CACNA1S: variants seen among roughly 807,000 people sequenced by gnomAD.
CACNA1S encodes voltage-dependent L-type calcium channel subunit alpha-1S.
Under a neutral mutation model 207.4 loss-of-function variants are expected in CACNA1S, and 126 were observed. That is an observed-to-expected ratio of 0.61 (90% CI 0.53 to 0.70). CACNA1S has a LOEUF of 0.70. Ranked by LOEUF, CACNA1S falls within the 30% of genes least tolerant of loss-of-function variation. CACNA1S has a pLI of 0.00. For missense variants in CACNA1S, 2,349 were observed against 2,422.8 expected (o/e 0.97, Z 0.64); for synonymous variants, 960 against 932.7 (o/e 1.03, Z -0.53).
intron 37 of CACNA1S, 123 bp downstream of exon 37, chr1:201,047,402 T>C (rs1479498984): frequency 1.1e-5 from 13 of 1,237,692 alleles, no homozygotes; most frequent in Non-Finnish European, 1.4e-5. Context: ...GCCCGTGGGA[T>C]CTACCTAAGG....
chr1:201,071,619 C>T (rs1407346309), intron 16 of CACNA1S, among the ~76,000 whole-genome samples: 1 of 152,128 alleles, frequency 6.6e-6, no homozygotes. Context: ...CCAGCCCACA[C>T]CCCCTCTACC....
chr1:201,059,522 A>G (rs1205909148), intron 26 of CACNA1S, among the ~76,000 whole-genome samples: 2 of 152,242 alleles, frequency 1.3e-5, no homozygotes, highest in Non-Finnish European at 2.9e-5. Context: ...CACAAAAGAG[A>G]TAACACAGAA....
At chr1:201,075,344 A>G in intron 13 of CACNA1S, 151 bp downstream of exon 13, 1 of 793,250 alleles carries the variant, frequency 1.3e-6, no homozygotes, top group Non-Finnish European at 2.1e-6. Context: ...TGCATTTGCT[A>G]TGTCCTACCC....
At chr1:201,087,207 G>A (rs1662063839) in intron 7 of CACNA1S, among the ~76,000 whole-genome samples, 1 of 152,188 alleles carries the variant, frequency 6.6e-6, no homozygotes, top group African/African-American at 2.4e-5. Flanking sequence ...TACTTTATAT[G>A]TATTAACTTA....
At chr1:201,107,311 A>G (rs1662929068) in intron 2 of CACNA1S, among the ~76,000 whole-genome samples, 1 of 152,246 alleles carries the variant, frequency 6.6e-6, no homozygotes, top group African/African-American at 2.4e-5. Flanking sequence ...GTCTCAGGTT[A>G]AACATCCCAT....
rs1661258219 is a variant in CACNA1S, at chr1:201,066,781, C to T, written c.2657+106G>A. 8 of 839,556 alleles carry T rather than the reference C, an allele frequency of 9.5e-6. No individual in the cohort carries two copies. The South Asian group carries it at 1.1e-4, about 12-fold the overall frequency. 52.0% of individuals were successfully genotyped at this position (839,556 alleles called of 1,614,324 possible). ...TCCATCGGAGGCCCCGAGAGACCCT[C>T]CTCTTGTGGCAGGGGCCCACCAACA... On this transcript the variant is annotated intron_variant, in intron 20 of 43. Coordinates refer to ENST00000362061, the MANE Select transcript of CACNA1S (RefSeq NM_000069.3). The surrounding 1 kb of genome is among the most constrained non-coding windows in gnomAD (Gnocchi z 4.3).
rs200487405 is a variant in CACNA1S at position 201,093,956 on chromosome 1, G to A, written c.324C>T (p.Tyr108=). Reference sequence around the variant, plus strand: ...AAGCGTCCTGGTGGAATAAGAAGCCGTAGGCAATGATCTTCATGGCGGCTT... The same window carrying A: ...AAGCGTCCTGGTGGAATAAGAAGCCATAGGCAATGATCTTCATGGCGGCTT... ...SIEAAMKIIA[Y]GFLFHQDAYL... The change falls in exon 3 of 44, where the codon TAC becomes TAT. Residue 108 remains tyrosine (Y), a synonymous_variant. Transcript: ENST00000362061. 313 of 1,614,182 alleles carry A rather than the reference G, an allele frequency of 1.9e-4. No individual in the cohort carries two copies. The highest frequency in any genetic ancestry group is 8.3e-4 in the Middle Eastern group (5 of 6,060).
intron 26 of CACNA1S, among the ~76,000 whole-genome samples, chr1:201,059,610 T>C (rs1660971354): frequency 6.6e-6 from 1 of 152,234 alleles, no homozygotes; most frequent in South Asian, 2.1e-4. Flanking sequence ...CTCATTTACA[T>C]ATCTGCTTTG....
In CACNA1S at chr1:201,049,100, C is replaced by A; in HGVS notation, c.4242-1G>T. On this transcript the variant is annotated splice_acceptor_variant, in intron 34 of 43. Transcript: ENST00000362061. LOFTEE classifies it high-confidence loss of function. ...CACGTCCAGGTGTTTGATTCTCCCC[C>A]TGCGGGAGGACACACAGACTTGTGT... is the stretch of plus-strand genomic sequence containing the variant. 2.5e-6 allele frequency: 4 copies of A among 1,607,278 alleles called. No individual in the cohort carries two copies. The highest frequency in any genetic ancestry group is 3.4e-6 in the Non-Finnish European group (4 of 1,176,186).
intron 7 of CACNA1S, among the ~76,000 whole-genome samples, chr1:201,086,312 A>G (rs1662038322): frequency 6.6e-6 from 1 of 152,264 alleles, no homozygotes; most frequent in African/African-American, 2.4e-5. Context: ...TCTTCAGAAT[A>G]ATGTGAAATG....
chr1:201,078,511 T>C (rs989811780), intron 10 of CACNA1S, among the ~76,000 whole-genome samples: 4 of 75,758 alleles, frequency 5.3e-5, no homozygotes, highest in Non-Finnish European at 9.3e-5. Context: ...ATTTTTAAAT[T>C]AGCTTCAAAA....
rs1187060651 is a variant in CACNA1S at position 201,069,605 on chromosome 1, G to A, written c.2361-4C>T. On this transcript the variant is annotated splice_polypyrimidine_tract_variant and splice_region_variant and intron_variant, in intron 17 of 43. Transcript: ENST00000362061. ...GCGGTGACACAGGACACGGATCCTG[G>A]TGGGGCGAGGTAGGGAGGGCAGGGG... The A allele has an allele frequency of 3.2e-6, 5 of 1,552,604 alleles. No homozygotes were observed. The highest frequency in any genetic ancestry group is 1.4e-5 in the African/African-American group (1 of 73,396).
At position 201,076,915 on chromosome 1, in the gene CACNA1S, C is replaced by G. The variant is rs758002358; in HGVS notation, c.1827+5G>C. 8 of 1,613,534 alleles carry G rather than the reference C, an allele frequency of 5.0e-6. No homozygotes were observed. Among genetic ancestry groups the G allele is most frequent in the Non-Finnish European group, 6.8e-6 (8 of 1,179,566 alleles). ...GAAGGAGGGACACGCAGAGGGAGAG[C>G]CTACCTGGAAGACGCTGATGAGGGC... is the stretch of plus-strand genomic sequence containing the variant. On this transcript the variant is annotated splice_donor_5th_base_variant and intron_variant, in intron 12 of 43. Coordinates refer to ENST00000362061, the MANE Select transcript of CACNA1S (RefSeq NM_000069.3).
chr1:201,069,111 A>AG, intron 19 of CACNA1S, 26 bp downstream of exon 19: 1 of 1,607,854 alleles, frequency 6.2e-7, no homozygotes, highest in South Asian at 1.1e-5. Context: ...CTCCCTCCCC[A>AG]GGGCTGCCCC....
At position 201,047,566 on chromosome 1, in the gene CACNA1S, G is replaced by A. The variant is rs928580339; in HGVS notation, c.4502C>T (p.Thr1501Ile). The change falls in exon 37 of 44, where the codon ACC becomes ATC. Residue 1501 changes from threonine (T) to isoleucine (I), a missense_variant. Physicochemically the swap from Thr to Ile is moderately conservative, Grantham distance 89. Coordinates refer to ENST00000362061, the MANE Select transcript of CACNA1S (RefSeq NM_000069.3). ...GACCTGGTCCAAGAGCTTCATGCTG[G>A]TTCTCTTCCAGATCTTCTTGATGAT... Reference protein sequence around the residue: ...RAIIKKIWKRTSMKLLDQVIP... With the variant: ...RAIIKKIWKRISMKLLDQVIP... 4 of 1,614,142 alleles carry A rather than the reference G, an allele frequency of 2.5e-6. No homozygotes were observed. Among genetic ancestry groups the A allele is most frequent in the Non-Finnish European group, 3.4e-6 (4 of 1,179,994 alleles).
intron 26 of CACNA1S, among the ~76,000 whole-genome samples, chr1:201,059,935 C>T (rs1284441024): frequency 6.6e-6 from 1 of 152,202 alleles, no homozygotes; most frequent in African/African-American, 2.4e-5. Flanking sequence ...CAAAACCTTC[C>T]AGGTAGTTTG....
At chr1:201,073,166 A>G (rs2102136427) in intron 15 of CACNA1S, among the ~76,000 whole-genome samples, 1 of 152,274 alleles carries the variant, frequency 6.6e-6, no homozygotes, top group African/African-American at 2.4e-5. Flanking sequence ...TTTGAACTCC[A>G]CTTCCTCAGT....
chr1:201,042,529 T>C (rs1206832396), intron 40 of CACNA1S, among the ~76,000 whole-genome samples: 1 of 152,240 alleles, frequency 6.6e-6, no homozygotes, highest in Non-Finnish European at 1.5e-5. Context: ...CTGATGCTTC[T>C]GTATTTCCAC....
chr1:201,069,011 C>T, intron 19 of CACNA1S, 126 bp downstream of exon 19: 1 of 852,942 alleles, frequency 1.2e-6, no homozygotes, highest in Non-Finnish European at 2.0e-6. Flanking sequence ...TGCTGGGTCC[C>T]ATGAGTCTTT....
Sources: allele counts gnomAD v4.1 joint callset (sites outside exome capture counted in the v4.1 genomes callset), GRCh38; gene constraint gnomAD v4.1.1; non-coding constraint Gnocchi (gnomAD v3.1); transcripts MANE v1.5; gene names NCBI Gene and HGNC (gene_info 2026-07-23, HGNC 2026-07-21).